FBLN2: variants seen among roughly 807,000 people sequenced by gnomAD.
FBLN2 encodes the protein fibulin 2, also known as fibulin-2.
FBLN2 carries 81 observed loss-of-function variants against 123.7 expected under a neutral mutation model. The observed-to-expected ratio is 0.65, with a 90% confidence interval of 0.55 to 0.79. FBLN2 has a LOEUF of 0.79. FBLN2 is among the 30% of genes least tolerant of loss of function. FBLN2 has a pLI of 0.00. For synonymous variants in FBLN2, 699 were observed against 701.4 expected (o/e 1.00, Z 0.05); for missense variants, 1,603 against 1,681.3 (o/e 0.95, Z 0.81).
chr3:13,593,614 TG>T (rs1287749670), intron 2 of FBLN2, among the ~76,000 whole-genome samples: 1 of 149,778 alleles, frequency 6.7e-6, no homozygotes, highest in African/African-American at 2.5e-5. Flanking sequence ...CTCGGGAGGC[TG>T]AGGCGGGAGA....
rs762890706 is a variant in FBLN2 at position 13,570,705 on chromosome 3, T to C, written c.350T>C (p.Leu117Pro). The C allele has an allele frequency of 5.0e-6, 8 of 1,594,908 alleles. No homozygotes were observed. In the African/African-American group the frequency reaches 1.1e-4, roughly 21 times the overall value. ...TGCCAGTTCATGCTGTGCCCGGAGC[T>C]GCCGCCCAACTGCATCGAGGCTGTA... Reference protein sequence around the residue: ...ISCQFMLCPELPPNCIEAVVV... With the variant: ...ISCQFMLCPEPPPNCIEAVVV... The change falls in exon 2 of 18, where the codon CTG (leucine) becomes CCG (proline). Residue 117 changes from leucine (L) to proline (P), a missense_variant. Coordinates refer to ENST00000404922, the MANE Select transcript of FBLN2 (RefSeq NM_001004019.2).
In FBLN2 at chr3:13,555,489, A is replaced by C. The variant is rs561823572; in HGVS notation, c.-42+6281A>C. ...TTATTTTTTGAGATGGAGTCTCGCT[A>C]TGTTGCCCAGGCTGAAGTGCAGTGG... On this transcript the variant is annotated intron_variant, in intron 1 of 17. Coordinates refer to ENST00000404922, the MANE Select transcript of FBLN2 (RefSeq NM_001004019.2). Among the ~76,000 whole-genome samples the C allele has an allele frequency of 6.6e-5, 10 of 150,522 alleles. No homozygotes were observed. The Middle Eastern group carries it at 0.017, about 261-fold the overall frequency.
At chr3:13,633,246 G>A (rs936676011) in intron 16 of FBLN2, among the ~76,000 whole-genome samples, 3 of 152,240 alleles carry the variant, frequency 2.0e-5, no homozygotes, top group African/African-American at 4.8e-5. Flanking sequence ...TCTCCTGCCC[G>A]GGCTTGCCCG....
At chr3:13,612,735 A>G (rs188302097) in intron 4 of FBLN2, among the ~76,000 whole-genome samples, 36 of 152,240 alleles carry the variant, frequency 2.4e-4, no homozygotes, top group Admixed American at 1.6e-3. Context: ...ATAATAATCC[A>G]TGTCTTTTTG....
chr3:13,592,463 T>C (rs1057227882), intron 2 of FBLN2, among the ~76,000 whole-genome samples: 8 of 152,242 alleles, frequency 5.3e-5, no homozygotes, highest in African/African-American at 1.9e-4. Context: ...TTTTTCAAGA[T>C]TGTTTCAGCT....
chr3:13,588,361 G>T (rs1175210604), intron 2 of FBLN2, among the ~76,000 whole-genome samples: 1 of 152,206 alleles, frequency 6.6e-6, no homozygotes, highest in African/African-American at 2.4e-5. Flanking sequence ...ACCTAACCAC[G>T]CATTTCTCAG....
intron 2 of FBLN2, among the ~76,000 whole-genome samples, chr3:13,576,974 T>C (rs1179224589): frequency 1.3e-5 from 2 of 152,130 alleles, no homozygotes; most frequent in African/African-American, 4.8e-5. Flanking sequence ...TCCCAGCACT[T>C]TGGGAGGCCG....
intron 1 of FBLN2, among the ~76,000 whole-genome samples, chr3:13,558,116 G>A (rs1222620350): frequency 6.6e-6 from 1 of 152,218 alleles, no homozygotes; most frequent in Admixed American, 6.5e-5. Context: ...TGAGGGACTC[G>A]CAGAGAGACT....
intron 2 of FBLN2, among the ~76,000 whole-genome samples, chr3:13,575,644 C>T (rs6766467): frequency 0.089 from 13,575 of 152,152 alleles, 1,792 homozygotes; most frequent in African/African-American, 0.29. Context: ...TCTCTAGGAT[C>T]CCACAGCCCA....
chr3:13,637,473 T>A, intron 17 of FBLN2, 89 bp from the exon 18 acceptor site: 1 of 1,237,856 alleles, frequency 8.1e-7, no homozygotes, highest in Non-Finnish European at 1.1e-6. Context: ...TGGCCCTTGA[T>A]CCTGCCGCTG....
chr3:13,592,018 CTTTTTTT>C (rs869103466), intron 2 of FBLN2, among the ~76,000 whole-genome samples: 124 of 131,988 alleles, frequency 9.4e-4, no homozygotes, highest in Non-Finnish European at 1.5e-3. Context: ...CCTCTCTTTT[CTTTTTTT>C]TTTTTTTTTT....
intron 13 of FBLN2, 128 bp from the exon 14 acceptor site, chr3:13,629,692 C>T (rs1055434454): frequency 5.1e-5 from 66 of 1,301,762 alleles, no homozygotes; most frequent in Non-Finnish European, 6.9e-5. Context: ...CTGTCCTGGC[C>T]TCTCCCTGTC....
chr3:13,576,912 T>G (rs1175521792), intron 2 of FBLN2, among the ~76,000 whole-genome samples: 1 of 152,148 alleles, frequency 6.6e-6, no homozygotes, highest in Non-Finnish European at 1.5e-5. Flanking sequence ...TGCTGTAATG[T>G]CAGGTATTGC....
chr3:13,555,890 C>T (rs1258443314), intron 1 of FBLN2, among the ~76,000 whole-genome samples: 4 of 152,234 alleles, frequency 2.6e-5, no homozygotes, highest in East Asian at 1.9e-4. Context: ...GATCACCGAG[C>T]GTTGGTGCTT....
intron 2 of FBLN2, among the ~76,000 whole-genome samples, chr3:13,584,297 A>C (rs1704428628): frequency 6.6e-6 from 1 of 152,144 alleles, no homozygotes; most frequent in South Asian, 2.1e-4. Flanking sequence ...ACCCCTCCTG[A>C]CACCACTAGG....
chr3:13,627,834 G>A lies in FBLN2; in HGVS notation c.2434G>A (p.Val812Met), dbSNP rs776287097. The A allele has an allele frequency of 8.7e-6, 14 of 1,612,720 alleles. No individual in the cohort carries two copies. Among genetic ancestry groups the A allele is most frequent in the African/African-American group, 6.7e-5 (5 of 74,926 alleles). Residue 812 changes from valine (V) to methionine (M), a missense_variant and splice_region_variant, in exon 11 of 18, where the codon GTG becomes ATG. Val to Met is a conservative substitution (Grantham distance 21, BLOSUM62 1). Transcript: ENST00000404922. The stretch of plus-strand genomic sequence containing the variant: ...GACACCCAGCCTCTCCGCTGCAGAC[G>A]TGGATGAGTGTGCGATGGGCACGCA... ...YALKDGECED[V>M]DECAMGTHTC...
chr3:13,637,215 G>A (rs1045649083), intron 17 of FBLN2, among the ~76,000 whole-genome samples: 1 of 152,298 alleles, frequency 6.6e-6, no homozygotes, highest in African/African-American at 2.4e-5. Flanking sequence ...GAAGGGAGAA[G>A]GAGGAGGAAG....
At chr3:13,584,592 G>C (rs1704438834) in intron 2 of FBLN2, among the ~76,000 whole-genome samples, 1 of 152,220 alleles carries the variant, frequency 6.6e-6, no homozygotes, top group South Asian at 2.1e-4. Flanking sequence ...AGTAGCCGTG[G>C]CCATAGGTAG....
intron 4 of FBLN2, 50 bp downstream of exon 4, chr3:13,609,692 G>GGGGGGGGGGGGGGGGGGGT: frequency 5.9e-6 from 3 of 508,394 alleles, no homozygotes; most frequent in East Asian, 6.4e-5. Context: ...GGCGGGGCGG[G>GGGGGGGGGGGGGGGGGGGT]AGGCTGGCCT....
Sources: gnomAD v4.1 joint callset for allele counts (sites outside exome capture counted in the v4.1 genomes callset) on GRCh38, gnomAD v4.1.1 for gene constraint, MANE v1.5 for transcripts, NCBI Gene and HGNC (gene_info 2026-07-23, HGNC 2026-07-21) for gene names.